The following ALPK1 variants were observed in gnomAD, a reference collection of about 807,000 sequenced individuals.
ALPK1 encodes alpha-protein kinase 1.
In ALPK1, 110 loss-of-function variants were observed where a neutral mutation model predicts 120.6. That is an observed-to-expected ratio of 0.91 (90% CI 0.78 to 1.07). ALPK1 has a LOEUF of 1.07. ALPK1 is among the 50% of genes least tolerant of loss of function. The pLI, the probability that ALPK1 is intolerant of heterozygous loss-of-function variation, is 0.00. For missense variants in ALPK1, 1,498 were observed against 1,483.9 expected (o/e 1.01, Z -0.16); for synonymous variants, 582 against 560.3 (o/e 1.04, Z -0.55).
intron 2 of ALPK1, among the ~76,000 whole-genome samples, chr4:112,361,743 C>A (rs1424000346): frequency 6.6e-6 from 1 of 152,260 alleles, no homozygotes. Flanking sequence ...AGTTGATGCA[C>A]TCTTGAAAGT....
At chr4:112,355,946 C>T (rs1311948337) in intron 2 of ALPK1, among the ~76,000 whole-genome samples, 1 of 152,188 alleles carries the variant, frequency 6.6e-6, no homozygotes, top group Non-Finnish European at 1.5e-5. Context: ...GGAAGGCTGG[C>T]CGGGGAGACA....
At chr4:112,418,069 G>A (rs1286578735) in intron 5 of ALPK1, among the ~76,000 whole-genome samples, 3 of 152,166 alleles carry the variant, frequency 2.0e-5, no homozygotes, top group African/African-American at 7.2e-5. Flanking sequence ...ACTCTAAAGC[G>A]TGCAGGATAG....
intron 2 of ALPK1, among the ~76,000 whole-genome samples, chr4:112,368,303 C>A (rs1035433286): frequency 5.3e-5 from 8 of 152,050 alleles, no homozygotes; most frequent in African/African-American, 1.7e-4. Flanking sequence ...AATTCTTATT[C>A]TTAATCTGCT....
intron 4 of ALPK1, chr4:112,384,017 A>G (rs1299444732): frequency 6.6e-6 from 1 of 152,254 alleles, no homozygotes; most frequent in Non-Finnish European, 1.5e-5. Flanking sequence ...GTTGTAGTCT[A>G]CTAAATGTAT....
rs554679288 is a variant in ALPK1, at chr4:112,382,681, A to G, written c.276+129A>G. 3 of 1,318,290 alleles carry G rather than the reference A, an allele frequency of 2.3e-6. No individual in the cohort carries two copies. In the South Asian group the frequency reaches 3.9e-5, roughly 17 times the overall value. 81.7% of individuals were successfully genotyped at this position (1,318,290 alleles called of 1,614,324 possible). On this transcript the variant is annotated intron_variant, in intron 4 of 15. Coordinates refer to ENST00000650871, the MANE Select transcript of ALPK1 (RefSeq NM_025144.4). Reference sequence around the variant, plus strand: ...CTACCCTTATGCTCAGCTCTGCCAGATTGACTAATGTGAGGGAAATAGCTG... The same window carrying G: ...CTACCCTTATGCTCAGCTCTGCCAGGTTGACTAATGTGAGGGAAATAGCTG...
chr4:112,380,108 T>C (rs142295598), intron 3 of ALPK1, among the ~76,000 whole-genome samples: 1 of 152,268 alleles, frequency 6.6e-6, no homozygotes, highest in East Asian at 1.9e-4. Context: ...GGACACTTCT[T>C]CTGAGAGTGA....
intron 2 of ALPK1, among the ~76,000 whole-genome samples, chr4:112,351,527 G>T (rs6853380): frequency 0.34 from 51,616 of 151,228 alleles, 8,920 homozygotes; most frequent in East Asian, 0.53. Flanking sequence ...AGGCTGGAGT[G>T]CAGTGGCACG....
Position 112,431,898 on chromosome 4 carries a change from G to T in ALPK1, c.2351G>T (p.Trp784Leu). The T allele has an allele frequency of 6.2e-7, 1 of 1,613,976 alleles. No individual in the cohort carries two copies. Among genetic ancestry groups the T allele is most frequent in the African/African-American group, 1.3e-5 (1 of 75,040 alleles). Residue 784 changes from tryptophan (W) to leucine (L), a missense_variant, in exon 11 of 16, where the codon TGG becomes TTG. Transcript: ENST00000650871. ...AGPTFKASPS[W>L]VDPEGETAES... ...CCTACATTTAAAGCTAGTCCCTCCT[G>T]GGTTGACCCAGAAGGAGAAACAGCA... is the stretch of plus-strand genomic sequence containing the variant.
chr4:112,441,008 A>G lies in ALPK1; in HGVS notation c.3630A>G (p.Gly1210=). The part of the protein sequence containing the change: ...VDQKVFTTNF[G]KRGIFYFFNN... The stretch of plus-strand genomic sequence containing the variant: ...AGAAAGTTTTCACTACCAATTTTGG[A>G]AAGAGAGGAATTTTTTACTTCTTTA... Residue 1210 remains glycine (G), a synonymous_variant, in exon 15 of 16, where the codon GGA becomes GGG. Coordinates refer to ENST00000650871, the MANE Select transcript of ALPK1 (RefSeq NM_025144.4). 1 of 1,614,024 alleles carries G rather than the reference A, an allele frequency of 6.2e-7. No homozygotes were observed. Among genetic ancestry groups the G allele is most frequent in the Non-Finnish European group, 8.5e-7 (1 of 1,179,920 alleles).
intron 2 of ALPK1, among the ~76,000 whole-genome samples, chr4:112,361,303 T>C (rs1730901215): frequency 6.6e-6 from 1 of 152,186 alleles, no homozygotes; most frequent in Admixed American, 6.5e-5. Context: ...GCTTGTAACC[T>C]GTGACAAGTT....
chr4:112,317,377 A>C (rs187136726), intron 2 of ALPK1, among the ~76,000 whole-genome samples: 9 of 152,052 alleles, frequency 5.9e-5, no homozygotes, highest in Non-Finnish European at 1.0e-4. Flanking sequence ...TAACTCTTAC[A>C]TTTGTGTCTT....
chr4:112,358,077 C>A (rs1260179446), intron 2 of ALPK1: 1 of 583,996 alleles, frequency 1.7e-6, no homozygotes. Flanking sequence ...CACGCATGGA[C>A]CCCCTGGTTG....
chr4:112,369,606 C>A (rs1731311075), intron 2 of ALPK1, among the ~76,000 whole-genome samples: 1 of 152,090 alleles, frequency 6.6e-6, no homozygotes, highest in Non-Finnish European at 1.5e-5. Flanking sequence ...CGCTTGAACC[C>A]AGGAGGCAGA....
intron 1 of ALPK1, among the ~76,000 whole-genome samples, chr4:112,312,216 C>T (rs942065564): frequency 6.6e-6 from 1 of 151,778 alleles, no homozygotes; most frequent in Non-Finnish European, 1.5e-5. Flanking sequence ...TATTTTTCTC[C>T]AAAATTTTTT....
rs1298306931 is a variant in ALPK1, at chr4:112,431,138, C to CT, written c.1592dup (p.Arg532GlnfsTer12). The CT allele has an allele frequency of 2.5e-6, 4 of 1,614,020 alleles. No homozygotes were observed. Among genetic ancestry groups the CT allele is most frequent in the Non-Finnish European group, 3.4e-6 (4 of 1,180,046 alleles). On this transcript the variant is annotated frameshift_variant, in exon 11 of 16. Coordinates refer to ENST00000650871, the MANE Select transcript of ALPK1 (RefSeq NM_025144.4). LOFTEE classifies it high-confidence loss of function. ...AATGGGTAAGAATGTTCAGAGGGAA[C>CT]TCAGAAGGGGAGGAAGGAGAAACTG...
chr4:112,352,705 C>G (rs780525520), intron 2 of ALPK1: 1 of 152,120 alleles, frequency 6.6e-6, no homozygotes, highest in Non-Finnish European at 1.5e-5. Context: ...AAAAGGCCAA[C>G]TGTATATTTG....
chr4:112,424,742 A>G (rs1373817461), intron 6 of ALPK1, among the ~76,000 whole-genome samples: 1 of 152,178 alleles, frequency 6.6e-6, no homozygotes, highest in African/African-American at 2.4e-5. Context: ...TCACTAAACT[A>G]CAGTATACAC....
chr4:112,352,154 C>G (rs899049050), intron 2 of ALPK1, among the ~76,000 whole-genome samples: 1 of 152,142 alleles, frequency 6.6e-6, no homozygotes, highest in Non-Finnish European at 1.5e-5. Flanking sequence ...CTTGGGTTTT[C>G]ATTTTATTCT....
At chr4:112,376,908 A>C (rs1477318937) in intron 2 of ALPK1, among the ~76,000 whole-genome samples, 1 of 152,202 alleles carries the variant, frequency 6.6e-6, no homozygotes, top group Non-Finnish European at 1.5e-5. Context: ...AAGATTTGTT[A>C]ATTGAATAAT....
Sources: allele counts gnomAD v4.1 joint callset (sites outside exome capture counted in the v4.1 genomes callset), GRCh38; gene constraint gnomAD v4.1.1; transcripts MANE v1.5; gene names NCBI Gene and HGNC (gene_info 2026-07-23, HGNC 2026-07-21).